LRP1B: variants seen among roughly 807,000 people sequenced by gnomAD.
LRP1B encodes LDL receptor related protein 1B, also known as low-density lipoprotein receptor-related protein 1B.
In LRP1B, 217 loss-of-function variants were observed where a neutral mutation model predicts 556.6. The ratio of observed to expected loss-of-function variants is 0.39; its 90% CI spans 0.35 to 0.44. The LOEUF is 0.44. Ranked by LOEUF, LRP1B falls within the 20% of genes least tolerant of loss-of-function variation. LRP1B has a pLI of 1.00. For synonymous variants in LRP1B, 2,047 were observed against 1,865.8 expected, an observed-to-expected ratio of 1.10 and a Z score of -2.50; for missense variants, 5,053 against 5,620.8, an observed-to-expected ratio of 0.90 and a Z score of 3.23.
At chr2:141,281,839 T>C (rs1247589160) in intron 3 of LRP1B, among the ~76,000 whole-genome samples, 1 of 152,060 alleles carries the variant, frequency 6.6e-6, no homozygotes. Context: ...TTCTACTTAC[T>C]AGCTATGTGA....
chr2:141,273,760 T>C (rs1685178333), intron 3 of LRP1B, among the ~76,000 whole-genome samples: 1 of 152,130 alleles, frequency 6.6e-6, no homozygotes, highest in Non-Finnish European at 1.5e-5. Context: ...ATGCTTCAAA[T>C]AACACCATCA....
intron 6 of LRP1B, among the ~76,000 whole-genome samples, chr2:141,196,356 A>T (rs939606804): frequency 6.6e-6 from 1 of 152,112 alleles, no homozygotes; most frequent in African/African-American, 2.4e-5. Context: ...TATATAACTT[A>T]ACGACTTTCT....
intron 11 of LRP1B, among the ~76,000 whole-genome samples, chr2:141,036,834 G>A (rs1261678797): frequency 6.6e-6 from 1 of 151,710 alleles, no homozygotes; most frequent in Non-Finnish European, 1.5e-5. Context: ...AAAATTGCCC[G>A]GACACAAAAT....
intron 1 of LRP1B, among the ~76,000 whole-genome samples, chr2:142,066,464 G>A (rs1705113102): frequency 6.6e-6 from 1 of 151,404 alleles, no homozygotes; most frequent in South Asian, 2.1e-4. Flanking sequence ...CTAAGTTTCT[G>A]CCATTACATA....
At chr2:141,862,793 T>C (rs927948480) in intron 1 of LRP1B, among the ~76,000 whole-genome samples, 1 of 152,170 alleles carries the variant, frequency 6.6e-6, no homozygotes, top group African/African-American at 2.4e-5. Flanking sequence ...CAGGTTAATT[T>C]TGAGATTATA....
At chr2:140,632,379 G>A (rs558389638) in intron 41 of LRP1B, among the ~76,000 whole-genome samples, 55 of 151,936 alleles carry the variant, frequency 3.6e-4, no homozygotes, top group Non-Finnish European at 6.8e-4. Context: ...GAAGAAATAG[G>A]GAAAACTCTG....
intron 3 of LRP1B, among the ~76,000 whole-genome samples, chr2:141,259,579 T>C (rs1684610582): frequency 6.6e-6 from 1 of 152,316 alleles, no homozygotes; most frequent in Admixed American, 6.5e-5. Flanking sequence ...TCTCACCCTT[T>C]GGGATGGCAC....
intron 66 of LRP1B, among the ~76,000 whole-genome samples, chr2:140,392,135 C>G (rs1684048638): frequency 1.3e-5 from 2 of 152,114 alleles, no homozygotes; most frequent in African/African-American, 4.8e-5. Flanking sequence ...AGGGAAAAGT[C>G]AAGCTGAGAA....
chr2:141,725,601 T>C (rs1185829951), intron 2 of LRP1B, among the ~76,000 whole-genome samples: 3 of 151,920 alleles, frequency 2.0e-5, no homozygotes, highest in Non-Finnish European at 2.9e-5. Flanking sequence ...AATCAGTCTT[T>C]TGAATACATA....
chr2:140,516,483 A>G (rs1198854304), intron 50 of LRP1B, among the ~76,000 whole-genome samples: 1 of 152,042 alleles, frequency 6.6e-6, no homozygotes, highest in Non-Finnish European at 1.5e-5. Flanking sequence ...AGGGTGTTAG[A>G]CCCAATCCCC....
intron 2 of LRP1B, among the ~76,000 whole-genome samples, chr2:141,579,724 C>CTTTTTTTTTTTATTTTTTTTTTTTTTT: frequency 9.9e-6 from 1 of 101,002 alleles, no homozygotes. Context: ...TCAGGTTTCA[C>CTTTTTTTTTTTATTTTTTTTTTTTTTT]TTTTTTTTTT....
chr2:141,831,173 C>G (rs1697100556), intron 1 of LRP1B, among the ~76,000 whole-genome samples: 1 of 151,376 alleles, frequency 6.6e-6, no homozygotes, highest in African/African-American at 2.4e-5. Flanking sequence ...TTGTTAATTT[C>G]TAAAAAAAAT....
intron 1 of LRP1B, among the ~76,000 whole-genome samples, chr2:141,923,506 GGAGAGAGA>G (rs753020599): frequency 7.4e-6 from 1 of 135,544 alleles, no homozygotes; most frequent in Non-Finnish European, 1.6e-5. Context: ...GGAGGGAGGG[GGAGAGAGA>G]GAGAGAGAGA....
intron 41 of LRP1B, among the ~76,000 whole-genome samples, chr2:140,660,566 C>G (rs60113359): frequency 0.027 from 4,105 of 152,192 alleles, 180 homozygotes; most frequent in African/African-American, 0.09. Flanking sequence ...CCCAAACTCC[C>G]TCTCTGATCT....
At chr2:141,720,951 G>T (rs1692788816) in intron 2 of LRP1B, among the ~76,000 whole-genome samples, 1 of 152,118 alleles carries the variant, frequency 6.6e-6, no homozygotes, top group African/African-American at 2.4e-5. Flanking sequence ...ATCATTGAAA[G>T]ATAATCAAGA....
chr2:140,680,856 A>T (rs1267526872), intron 41 of LRP1B, among the ~76,000 whole-genome samples: 3 of 152,234 alleles, frequency 2.0e-5, no homozygotes, highest in Non-Finnish European at 2.9e-5. Context: ...AAAAGTGTGA[A>T]TATTATTTGT....
In LRP1B at chr2:140,270,366, AAG is replaced by A. The variant is rs1327087048; in HGVS notation, c.13143-22_13143-21del. 8.7e-6 allele frequency: 13 copies of A among 1,491,774 alleles called. No homozygotes were observed. Among genetic ancestry groups the A allele is most frequent in the South Asian group, 1.1e-5 (1 of 88,640 alleles). The allele number at this position is 1,491,774 out of a possible 1,614,324, so 92.4% of individuals were successfully genotyped here. ...GTGCAGCTGCAACAACAAAGAAAAA[AAG>A]AACAATTTCATTGTTATTGGCAACA... On this transcript the variant is annotated intron_variant, in intron 85 of 90. Coordinates refer to ENST00000389484, the MANE Select transcript of LRP1B (RefSeq NM_018557.3).
chr2:141,719,367 G>T (rs1316310267), intron 2 of LRP1B, among the ~76,000 whole-genome samples: 1 of 152,062 alleles, frequency 6.6e-6, no homozygotes, highest in Admixed American at 6.6e-5. Context: ...GACCAAGACA[G>T]AATTGCAATG....
At chr2:140,955,867 A>G (rs892216192) in intron 18 of LRP1B, among the ~76,000 whole-genome samples, 1 of 151,626 alleles carries the variant, frequency 6.6e-6, no homozygotes, top group Non-Finnish European at 1.5e-5. Context: ...AATTTTCCTT[A>G]TTCCTCCTCC....
Sources: gnomAD v4.1 joint callset for allele counts (sites outside exome capture counted in the v4.1 genomes callset) on GRCh38, gnomAD v4.1.1 for gene constraint, MANE v1.5 for transcripts, NCBI Gene and HGNC (gene_info 2026-07-23, HGNC 2026-07-21) for gene names.